The following ADCY1 variants were observed in gnomAD, a reference collection of about 807,000 sequenced individuals.
The protein encoded by ADCY1 is adenylate cyclase 1.
A neutral mutation model predicts 105.4 loss-of-function variants in ADCY1; 28 were observed. The ratio of observed to expected loss-of-function variants is 0.27; its 90% CI spans 0.20 to 0.36. The LOEUF is 0.36. Among genes scored for constraint, ADCY1 ranks in the 10% least tolerant of loss-of-function variants. The pLI is 1.00. For missense variants in ADCY1, 977 were observed against 1,434.2 expected, an observed-to-expected ratio of 0.68 and a Z score of 5.15; for synonymous variants, 655 against 623.8, an observed-to-expected ratio of 1.05 and a Z score of -0.75.
At chr7:45,619,677 A>G (rs992577411) in intron 3 of ADCY1, among the ~76,000 whole-genome samples, 9 of 152,190 alleles carry the variant, frequency 5.9e-5, no homozygotes, top group African/African-American at 2.2e-4. Flanking sequence ...TGGAAGTAAA[A>G]TAGTCAAATT....
chr7:45,595,842 G>A (rs1188177704), intron 2 of ADCY1, among the ~76,000 whole-genome samples: 1 of 152,220 alleles, frequency 6.6e-6, no homozygotes, highest in African/African-American at 2.4e-5. Context: ...GACTTTTGCT[G>A]TATTTTTTCT....
chr7:45,634,794 C>A (rs776794210), intron 4 of ADCY1, among the ~76,000 whole-genome samples: 9 of 152,094 alleles, frequency 5.9e-5, no homozygotes, highest in Non-Finnish European at 5.9e-5. Context: ...GGGTTGTAAC[C>A]CCATCAGAAG....
Position 45,617,700 on chromosome 7 carries a change from A to G in ADCY1, c.909-4932A>G, listed in dbSNP as rs538536529. Among the ~76,000 whole-genome samples, 6 of 152,354 alleles carry G rather than the reference A, an allele frequency of 3.9e-5. No individual in the cohort carries two copies. In the South Asian group the frequency reaches 1.2e-3, roughly 32 times the overall value. On this transcript the variant is annotated intron_variant, in intron 3 of 19. Coordinates refer to ENST00000297323, the MANE Select transcript of ADCY1 (RefSeq NM_021116.4). ...CAAGGATGTAAAAGATTTCTACAAT[A>G]AAAACTATAAAACAATGATGAAAGA...
chr7:45,679,298 A>G (rs1784515223), intron 10 of ADCY1, among the ~76,000 whole-genome samples: 1 of 152,170 alleles, frequency 6.6e-6, no homozygotes, highest in Admixed American at 6.5e-5. Flanking sequence ...TCATGGGCCT[A>G]TTTGGGATTT....
chr7:45,685,059 A>G lies in ADCY1; in HGVS notation c.2064A>G (p.Gln688=). 1 of 1,613,968 alleles carries G rather than the reference A, an allele frequency of 6.2e-7. No homozygotes were observed. Among genetic ancestry groups the G allele is most frequent in the South Asian group, 1.1e-5 (1 of 91,076 alleles). Reference sequence around the variant, plus strand: ...TGGTCTTAATCTACTCAGTAGCCCAAGGTTGTGTGGTGAGCATCTCCAGCT... The same window carrying G: ...TGGTCTTAATCTACTCAGTAGCCCAGGGTTGTGTGGTGAGCATCTCCAGCT... ...FIVVLIYSVA[Q]GCVVGCLPWA... Residue 688 remains glutamine (Q), a synonymous_variant, in exon 12 of 20, where the codon CAA becomes CAG. Transcript: ENST00000297323.
Position 45,579,421 on chromosome 7 carries a change from G to A in ADCY1, c.639+4239G>A, listed in dbSNP as rs1283426833. ...TCCTCCTCCCCCACCAGCCCCTCCCGCTGCTGGTCCTTCCCCTGGCTGGGC... is the reference window on the plus strand; with the variant it reads ...TCCTCCTCCCCCACCAGCCCCTCCCACTGCTGGTCCTTCCCCTGGCTGGGC... On this transcript the variant is annotated intron_variant, in intron 1 of 19. Coordinates refer to ENST00000297323, the MANE Select transcript of ADCY1 (RefSeq NM_021116.4). 3.6e-5 allele frequency among the ~76,000 whole-genome samples: 5 copies of A among 140,498 alleles called. 1 individual carries two copies. In the South Asian group the frequency reaches 9.5e-4, roughly 27 times the overall value. The allele number at this position is 140,498 out of a possible 152,430, so 92.2% of individuals were successfully genotyped here. A position where few individuals can be genotyped will look rare whatever the true frequency, so the allele number is the denominator to read the frequency against.
chr7:45,706,646 G>T (rs185196423), intron 17 of ADCY1, among the ~76,000 whole-genome samples: 1 of 152,014 alleles, frequency 6.6e-6, no homozygotes, highest in African/African-American at 2.4e-5. Flanking sequence ...CTTCAGTTTG[G>T]CAATGACTTT....
At chr7:45,606,129 A>C (rs1335793512) in intron 2 of ADCY1, among the ~76,000 whole-genome samples, 2 of 152,136 alleles carry the variant, frequency 1.3e-5, no homozygotes, top group South Asian at 2.1e-4. Context: ...CCCCGCTAAT[A>C]GTACCTGGCT....
At position 45,575,588 on chromosome 7, in the gene ADCY1, C is replaced by T. The variant is rs1324949731; in HGVS notation, c.639+406C>T. ...CCCAGGGCAAGCTCCAAGGCCGGCT[C>T]TGCGCGCAGCGCTGGGCTCTTCCCC... On this transcript the variant is annotated intron_variant, in intron 1 of 19. Transcript: ENST00000297323. This position sits in a 1 kb window ranked among gnomAD's most constrained non-coding sequence, Gnocchi z 4.7. Among the ~76,000 whole-genome samples the T allele has an allele frequency of 6.6e-6, 1 of 152,192 alleles. No individual in the cohort carries two copies. The highest frequency in any genetic ancestry group is 2.4e-5 in the African/African-American group (1 of 41,424).
chr7:45,594,393 C>T (rs948673597), intron 2 of ADCY1, among the ~76,000 whole-genome samples: 2 of 152,152 alleles, frequency 1.3e-5, no homozygotes, highest in Non-Finnish European at 2.9e-5. Context: ...TTGTTACCAC[C>T]ATAAGATCCC....
intron 19 of ADCY1, among the ~76,000 whole-genome samples, chr7:45,712,134 ATTT>A (rs1418731012): frequency 2.2e-5 from 3 of 138,260 alleles, no homozygotes; most frequent in African/African-American, 5.3e-5. Context: ...TATATTTAAA[ATTT>A]TTATTTTAAA....
chr7:45,670,501 G>A (rs530463639), intron 8 of ADCY1, among the ~76,000 whole-genome samples: 4 of 152,136 alleles, frequency 2.6e-5, no homozygotes, highest in East Asian at 1.9e-4. Context: ...AGCACCAACC[G>A]GAAAATGGAC....
chr7:45,690,039 TGACAATGGAGTGTGACACACA>T (rs955143700), intron 14 of ADCY1, among the ~76,000 whole-genome samples: 4 of 152,186 alleles, frequency 2.6e-5, no homozygotes, highest in Non-Finnish European at 5.9e-5. Flanking sequence ...AAAGGTGGTC[TGACAATGGAGTGTGACACACA>T]GCCCAGGAGG....
At chr7:45,667,396 C>T (rs1393165591) in intron 8 of ADCY1, among the ~76,000 whole-genome samples, 1 of 152,164 alleles carries the variant, frequency 6.6e-6, no homozygotes, top group East Asian at 1.9e-4. Flanking sequence ...ATCCTTTCCC[C>T]ATTTCTTGTT....
chr7:45,712,144 T>C (rs1346482764), intron 19 of ADCY1, among the ~76,000 whole-genome samples: 1 of 140,312 alleles, frequency 7.1e-6, no homozygotes, highest in African/African-American at 2.6e-5. Flanking sequence ...ATTTTTATTT[T>C]AAATTATTTT....
At chr7:45,640,508 A>G (rs533248163) in intron 4 of ADCY1, among the ~76,000 whole-genome samples, 1 of 152,246 alleles carries the variant, frequency 6.6e-6, no homozygotes, top group Non-Finnish European at 1.5e-5. Context: ...AATTGGTTAA[A>G]GAAGAGAAGT....
At position 45,648,663 on chromosome 7, in the gene ADCY1, C is replaced by T. The variant is rs770700155; in HGVS notation, c.1021-7C>T. On this transcript the variant is annotated splice_polypyrimidine_tract_variant and splice_region_variant and intron_variant, in intron 4 of 19. Transcript: ENST00000297323. Reference sequence around the variant, plus strand: ...TCTCTTACCATGTGCCTTGCCCTTCCCTGAAGGAGAACCACTGTCGCCGCA... The same window carrying T: ...TCTCTTACCATGTGCCTTGCCCTTCTCTGAAGGAGAACCACTGTCGCCGCA... 2.5e-6 allele frequency: 4 copies of T among 1,614,108 alleles called. No individual in the cohort carries two copies. The Admixed American group carries it at 6.7e-5, about 27-fold the overall frequency.
At chr7:45,609,836 A>G (rs528602522) in intron 2 of ADCY1, among the ~76,000 whole-genome samples, 1 of 152,236 alleles carries the variant, frequency 6.6e-6, no homozygotes, top group African/African-American at 2.4e-5. Context: ...AAATCCAAAC[A>G]TTTATTCTTT....
intron 2 of ADCY1, among the ~76,000 whole-genome samples, chr7:45,607,333 T>G (rs1052139182): frequency 3.3e-5 from 5 of 152,298 alleles, no homozygotes; most frequent in Admixed American, 3.3e-4. Flanking sequence ...GTCCCTAGTG[T>G]GTTGCCTTCA....
Sources: allele counts gnomAD v4.1 joint callset (sites outside exome capture counted in the v4.1 genomes callset), GRCh38; gene constraint gnomAD v4.1.1; non-coding constraint Gnocchi (gnomAD v3.1); transcripts MANE v1.5; gene names NCBI Gene and HGNC (gene_info 2026-07-23, HGNC 2026-07-21).